The following MACIR variants were observed in gnomAD, a reference collection of about 807,000 sequenced individuals.
MACIR encodes UNC119-binding protein C5orf30.
In MACIR, 4 loss-of-function variants were observed where a neutral mutation model predicts 14.3. The ratio of observed to expected loss-of-function variants is 0.28; its 90% confidence interval spans 0.14 to 0.64. MACIR has a LOEUF of 0.64. Among genes scored for constraint, MACIR ranks in the 30% least tolerant of loss-of-function variants. The pLI is 0.83. For synonymous variants in MACIR, 101 were observed against 102.4 expected, an observed-to-expected ratio of 0.99 and a Z score of 0.08; for missense variants, 228 against 257.6, an observed-to-expected ratio of 0.89 and a Z score of 0.79.
Position 103,270,611 on chromosome 5 carries a change from A to C in MACIR, c.-24+4614A>C, listed in dbSNP as rs563646761. Among the ~76,000 whole-genome samples the C allele has an allele frequency of 3.0e-4, 45 of 152,302 alleles. 1 individual carries two copies. The South Asian group carries it at 8.9e-3, about 30-fold the overall frequency. On this transcript the variant is annotated intron_variant, in intron 2 of 2. Coordinates refer to ENST00000319933, the MANE Select transcript of MACIR (RefSeq NM_033211.4). The stretch of plus-strand genomic sequence containing the variant: ...TTGAGCAGGTTATTGAGGTAAGAAA[A>C]AGATAGAAAGTATCTTCTGGAAGGG...
At chr5:103,263,231 T>TTCC (rs112960439) in intron 1 of MACIR, among the ~76,000 whole-genome samples, 1 of 104,890 alleles carries the variant, frequency 9.5e-6, no homozygotes, top group Admixed American at 9.3e-5. Context: ...CCTCCTGCTC[T>TTCC]TCCTCCTCCT....
At chr5:103,275,363 T>A (rs968226889) in intron 2 of MACIR, among the ~76,000 whole-genome samples, 27 of 152,188 alleles carry the variant, frequency 1.8e-4, no homozygotes, top group African/African-American at 6.5e-4. Flanking sequence ...CTTGCAGAAA[T>A]TCGTCAGCTC....
rs1805356630 is a variant in MACIR at position 103,276,855 on chromosome 5, G to T, written c.*315G>T. 4.6e-6 allele frequency: 1 copy of T among 219,656 alleles called. No individual in the cohort carries two copies. The highest frequency in any genetic ancestry group is 2.3e-5 in the African/African-American group (1 of 43,542). 13.6% of individuals were successfully genotyped at this position (219,656 alleles called of 1,614,324 possible). Reference sequence around the variant, plus strand: ...TTTATGATTCTGACACTCAAATTGGGAATGTTACCTGCTTGGTTGTTGCTG... The same window carrying T: ...TTTATGATTCTGACACTCAAATTGGTAATGTTACCTGCTTGGTTGTTGCTG... On this transcript the variant is annotated 3_prime_UTR_variant, in exon 3 of 3. Transcript: ENST00000319933.
chr5:103,262,992 A>G (rs1286810761), intron 1 of MACIR, among the ~76,000 whole-genome samples: 4 of 152,174 alleles, frequency 2.6e-5, no homozygotes, highest in Non-Finnish European at 5.9e-5. Context: ...TATTCTAAAA[A>G]TGTGTGTTAT....
Position 103,276,149 on chromosome 5 carries a change from G to A in MACIR, c.230G>A (p.Cys77Tyr). 6.2e-7 allele frequency: 1 copy of A among 1,613,982 alleles called. No homozygotes were observed. The change falls in exon 3 of 3, where the codon TGC (cysteine) becomes TAC (tyrosine). Residue 77 changes from cysteine (C) to tyrosine (Y), a missense_variant. Coordinates refer to ENST00000319933, the MANE Select transcript of MACIR (RefSeq NM_033211.4). ...GEELLKLAQK[C>Y]TGGEESKAEA... ...GAACTCCTGAAGTTAGCTCAGAAGT[G>A]CACAGGAGGTGAAGAGAGCAAAGCA...
At chr5:103,273,007 G>A (rs1343938838) in intron 2 of MACIR, among the ~76,000 whole-genome samples, 1 of 152,152 alleles carries the variant, frequency 6.6e-6, no homozygotes, top group Non-Finnish European at 1.5e-5. Context: ...TTTAAAGTCA[G>A]CCTTTTCATG....
chr5:103,274,654 GT>G lies in MACIR; in HGVS notation c.-23-1231del, dbSNP rs1199701066. Among the ~76,000 whole-genome samples the G allele has an allele frequency of 1.0e-3, 150 of 143,950 alleles. 1 individual carries two copies. Among genetic ancestry groups the G allele is most frequent in the African/African-American group, 2.6e-3 (103 of 39,668 alleles). The allele number at this position is 143,950 out of a possible 152,430, so 94.4% of individuals were successfully genotyped here. A position where few individuals can be genotyped will look rare whatever the true frequency, so the allele number is the denominator to read the frequency against. On this transcript the variant is annotated intron_variant, in intron 2 of 2. Coordinates refer to ENST00000319933, the MANE Select transcript of MACIR (RefSeq NM_033211.4). ...CATGCATGTGGTGGAATAAAGTGCT[GT>G]TTTTTTTTTTTAAAGCTTTCTAATT...
At chr5:103,265,052 C>A (rs1039329832) in intron 1 of MACIR, among the ~76,000 whole-genome samples, 1 of 152,018 alleles carries the variant, frequency 6.6e-6, no homozygotes, top group Non-Finnish European at 1.5e-5. Context: ...GGGTTTTCCT[C>A]GTCTCAGCAA....
At chr5:103,275,832 A>G (rs1805301129) in intron 2 of MACIR, 65 bp from the exon 3 acceptor site, 1 of 1,406,040 alleles carries the variant, frequency 7.1e-7, no homozygotes, top group Non-Finnish European at 9.6e-7. Context: ...GCCTTCTAAA[A>G]GGACCTGGCC....
At chr5:103,274,032 C>CT (rs1424319052) in intron 2 of MACIR, among the ~76,000 whole-genome samples, 11 of 152,018 alleles carry the variant, frequency 7.2e-5, no homozygotes, top group African/African-American at 2.7e-4. Context: ...TTTTGCCTCA[C>CT]TGACCCTCCT....
chr5:103,271,891 A>G (rs782060628), intron 2 of MACIR, among the ~76,000 whole-genome samples: 2 of 152,160 alleles, frequency 1.3e-5, no homozygotes, highest in Non-Finnish European at 2.9e-5. Context: ...TAAATTATAT[A>G]TGAAAGGCAT....
At chr5:103,266,960 G>A (rs1804946811) in intron 2 of MACIR, among the ~76,000 whole-genome samples, 1 of 152,120 alleles carries the variant, frequency 6.6e-6, no homozygotes, top group Admixed American at 6.6e-5. Context: ...AAAAGAGTAA[G>A]AAGTTTGAAA....
intron 1 of MACIR, among the ~76,000 whole-genome samples, chr5:103,261,788 A>C (rs1379035068): frequency 6.6e-6 from 1 of 151,266 alleles, no homozygotes; most frequent in Non-Finnish European, 1.5e-5. Flanking sequence ...AATGAAAATA[A>C]ATGTTTTGAT....
At chr5:103,260,179 G>C (rs1804626530) in intron 1 of MACIR, among the ~76,000 whole-genome samples, 1 of 151,374 alleles carries the variant, frequency 6.6e-6, no homozygotes, top group African/African-American at 2.4e-5. Flanking sequence ...CTAGCTGAAA[G>C]AACAATTCTT....
intron 2 of MACIR, among the ~76,000 whole-genome samples, chr5:103,272,354 C>CT (rs1347835323): frequency 2.5e-5 from 3 of 117,870 alleles, no homozygotes; most frequent in African/African-American, 1.1e-4. Flanking sequence ...TTTTTACTGT[C>CT]TTTAGTGTCT....
chr5:103,259,263 G>C lies in MACIR; in HGVS notation c.-114+367G>C, dbSNP rs571455733. On this transcript the variant is annotated intron_variant, in intron 1 of 2. Coordinates refer to ENST00000319933, the MANE Select transcript of MACIR (RefSeq NM_033211.4). ...ACAGGGGTGGGGCCGCAGACGCCGT[G>C]AGTGTGCAGCGCGTGTGAGTGTGCG... is the stretch of plus-strand genomic sequence containing the variant. The C allele has an allele frequency of 4.6e-5, 7 of 152,520 alleles. No individual in the cohort carries two copies. The South Asian group carries it at 1.2e-3, about 27-fold the overall frequency. The allele number at this position is 152,520 out of a possible 1,614,324, so 9.4% of individuals were successfully genotyped here.
intron 2 of MACIR, among the ~76,000 whole-genome samples, chr5:103,268,578 A>G (rs1805010203): frequency 6.6e-6 from 1 of 152,206 alleles, no homozygotes; most frequent in South Asian, 2.1e-4. Flanking sequence ...GATAAGTTCT[A>G]TCTGACAAGT....
At position 103,276,581 on chromosome 5, in the gene MACIR, G is replaced by C; in HGVS notation, c.*41G>C. 6.4e-7 allele frequency: 1 copy of C among 1,554,340 alleles called. No individual in the cohort carries two copies. Among genetic ancestry groups the C allele is most frequent in the Non-Finnish European group, 8.7e-7 (1 of 1,154,028 alleles). ...CTTAAACCAATTTAGGTCAGCCTAC[G>C]CTTGGCTAGAAAAAACCCACTGCTG... On this transcript the variant is annotated 3_prime_UTR_variant, in exon 3 of 3. Coordinates refer to ENST00000319933, the MANE Select transcript of MACIR (RefSeq NM_033211.4).
chr5:103,268,652 A>G (rs547820955), intron 2 of MACIR, among the ~76,000 whole-genome samples: 1 of 152,328 alleles, frequency 6.6e-6, no homozygotes, highest in Admixed American at 6.5e-5. Context: ...AACCCAGGCT[A>G]CACCCCAGAT....
Sources: allele counts gnomAD v4.1 joint callset (sites outside exome capture counted in the v4.1 genomes callset), GRCh38; gene constraint gnomAD v4.1.1; transcripts MANE v1.5; gene names NCBI Gene and HGNC (gene_info 2026-07-23, HGNC 2026-07-21).